The following RUBCNL variants were observed in gnomAD, a reference collection of about 807,000 sequenced individuals.
RUBCNL encodes protein associated with UVRAG as autophagy enhancer.
In RUBCNL, 62 loss-of-function variants were observed where a neutral mutation model predicts 69.5. The ratio of observed to expected loss-of-function variants is 0.89; its 90% CI spans 0.73 to 1.10. RUBCNL has a LOEUF of 1.10. RUBCNL is among the 50% of genes least tolerant of loss of function. RUBCNL has a pLI of 0.00. For missense variants in RUBCNL, 768 were observed against 798.1 expected, an observed-to-expected ratio of 0.96 and a Z score of 0.45; for synonymous variants, 291 against 303.6, an observed-to-expected ratio of 0.96 and a Z score of 0.43.
chr13:46,388,414 G>A (rs1395001055), upstream of RUBCNL, among the ~76,000 whole-genome samples: 3 of 149,082 alleles, frequency 2.0e-5, no homozygotes, highest in African/African-American at 5.0e-5. Flanking sequence ...AGCCAAGGAA[G>A]GAAGGAACCT....
chr13:46,361,220 G>A (rs549291821), intron 8 of RUBCNL, among the ~76,000 whole-genome samples: 3 of 152,044 alleles, frequency 2.0e-5, no homozygotes, highest in Admixed American at 6.5e-5. Context: ...GCAAGAATCC[G>A]TCTCAAAAAA....
rs751354791 is a variant in RUBCNL at position 46,372,197 on chromosome 13, C to T, written c.279G>A (p.Ser93=). Residue 93 remains serine (S), a synonymous_variant, in exon 3 of 15, where the codon TCG becomes TCA. Coordinates refer to ENST00000429979, the MANE Select transcript of RUBCNL (RefSeq NM_025113.5). ...DAASPSGPSP[S]CLGDSLAETT... ...TCTCTGCCAGGGAGTCCCCGAGGCA[C>T]GAAGGTGAAGGGCCTGAGGGAGAGG... 3.7e-6 allele frequency: 6 copies of T among 1,613,846 alleles called. No homozygotes were observed. Among genetic ancestry groups the T allele is most frequent in the Admixed American group, 1.7e-5 (1 of 60,006 alleles).
rs1227296673 is a variant in RUBCNL at position 46,350,036 on chromosome 13, C to G, written c.1569+77G>C. 3 of 1,122,580 alleles carry G rather than the reference C, an allele frequency of 2.7e-6. No individual in the cohort carries two copies. In the East Asian group the frequency reaches 7.8e-5, roughly 29 times the overall value. 69.5% of individuals were successfully genotyped at this position (1,122,580 alleles called of 1,614,324 possible). On this transcript the variant is annotated intron_variant, in intron 11 of 14. Transcript: ENST00000429979. Reference sequence around the variant, plus strand: ...CTCTTAGAGGATGTATCTGTGGGTTCCCCAAGCTAGTGTGATGTGCATTTC... The same window carrying G: ...CTCTTAGAGGATGTATCTGTGGGTTGCCCAAGCTAGTGTGATGTGCATTTC...
At chr13:46,354,996 G>A (rs1325572755) in intron 10 of RUBCNL, 7 of 332,634 alleles carry the variant, frequency 2.1e-5, no homozygotes, top group Non-Finnish European at 3.7e-5. Flanking sequence ...TAGATGTGCT[G>A]GGAAAATGAC....
intron 2 of RUBCNL, among the ~76,000 whole-genome samples, chr13:46,375,587 C>T (rs1429323353): frequency 6.6e-6 from 1 of 152,098 alleles, no homozygotes; most frequent in Non-Finnish European, 1.5e-5. Context: ...TATAACTGTT[C>T]TATTAATGGG....
At position 46,352,464 on chromosome 13, in the gene RUBCNL, G is replaced by A. The variant is rs77679791; in HGVS notation, c.1331-2113C>T. Among the ~76,000 whole-genome samples, 1,289 of 152,260 alleles carry A rather than the reference G, an allele frequency of 8.5e-3. 13 individuals carry two copies. Among genetic ancestry groups the A allele is most frequent in the African/African-American group, 0.029 (1,196 of 41,544 alleles). ...TGGGAAAGCAGCTGCTGTAGAACCC[G>A]TACACTGTAGATTCTGAAGATCATT... On this transcript the variant is annotated intron_variant, in intron 10 of 14. Coordinates refer to ENST00000429979, the MANE Select transcript of RUBCNL (RefSeq NM_025113.5).
chr13:46,356,362 C>A (rs978472438), intron 10 of RUBCNL, 70 bp downstream of exon 10: 1 of 1,454,804 alleles, frequency 6.9e-7, no homozygotes, highest in Non-Finnish European at 9.5e-7. Context: ...ACAAGCAATG[C>A]GCTGCCCTAC....
chr13:46,386,307 C>T (rs1042916538), intron 1 of RUBCNL, among the ~76,000 whole-genome samples: 1 of 152,152 alleles, frequency 6.6e-6, no homozygotes, highest in Non-Finnish European at 1.5e-5. Flanking sequence ...GTCTAAGAAA[C>T]TCAAGCTTAC....
At chr13:46,372,866 TA>T (rs561774851) in intron 2 of RUBCNL, among the ~76,000 whole-genome samples, 219 of 152,128 alleles carry the variant, frequency 1.4e-3, no homozygotes, top group African/African-American at 5.0e-3. Flanking sequence ...ATAAATCCCA[TA>T]AAAATGTAAA....
intron 2 of RUBCNL, among the ~76,000 whole-genome samples, chr13:46,374,167 C>A (rs1292644696): frequency 6.6e-6 from 1 of 152,230 alleles, no homozygotes; most frequent in Non-Finnish European, 1.5e-5. Context: ...CCAACCTCTG[C>A]CTCCCAGGTT....
rs186217606 is a variant in RUBCNL, at chr13:46,354,067, C to A, written c.1330+2365G>T. 2.9e-3 allele frequency among the ~76,000 whole-genome samples: 443 copies of A among 152,170 alleles called. 4 individuals carry two copies. The highest frequency in any genetic ancestry group is 5.2e-3 in the Non-Finnish European group (351 of 68,002). ...AATGATACCTTAAGAACAAAAAGGA[C>A]TAGGAAGTAGACAATATAGAGAATT... On this transcript the variant is annotated intron_variant, in intron 10 of 14. Coordinates refer to ENST00000429979, the MANE Select transcript of RUBCNL (RefSeq NM_025113.5).
rs111255284 is a variant in RUBCNL at position 46,380,014 on chromosome 13, T to C, written c.-238-2009A>G. Among the ~76,000 whole-genome samples the C allele has an allele frequency of 2.7e-3, 413 of 152,380 alleles. 1 individual carries two copies. The highest frequency in any genetic ancestry group is 4.2e-3 in the Admixed American group (65 of 15,308). On this transcript the variant is annotated intron_variant, in intron 1 of 14. Coordinates refer to ENST00000429979, the MANE Select transcript of RUBCNL (RefSeq NM_025113.5). ...CTGCAATTTTCTTATTTCATCTATA[T>C]ACTCTATACTATGTTGTAATAAAAG...
At chr13:46,378,675 T>C (rs1296684749) in intron 1 of RUBCNL, 4 of 152,140 alleles carry the variant, frequency 2.6e-5, no homozygotes, top group Non-Finnish European at 4.4e-5. Flanking sequence ...GCAGGAGGGA[T>C]AGATGCCTCA....
At chr13:46,350,509 G>A (rs557595220) in intron 10 of RUBCNL, 158 bp from the exon 11 acceptor site, 13 of 591,740 alleles carry the variant, frequency 2.2e-5, no homozygotes, top group African/African-American at 3.7e-5. Flanking sequence ...GAAGGCTCCA[G>A]CAGAGACTTG....
At chr13:46,375,680 T>C (rs543279187) in intron 2 of RUBCNL, among the ~76,000 whole-genome samples, 1 of 152,346 alleles carries the variant, frequency 6.6e-6, no homozygotes, top group South Asian at 2.1e-4. Flanking sequence ...AAAAGTTCAG[T>C]AGACCAAAAT....
At chr13:46,359,395 T>C in intron 9 of RUBCNL, 91 bp downstream of exon 9, 4 of 1,045,318 alleles carry the variant, frequency 3.8e-6, no homozygotes, top group Non-Finnish European at 3.9e-6. Flanking sequence ...TTAGCATATG[T>C]ATTTTTTTCA....
intron 1 of RUBCNL, among the ~76,000 whole-genome samples, chr13:46,379,514 G>C (rs2049073033): frequency 1.3e-5 from 2 of 152,150 alleles, no homozygotes; most frequent in Admixed American, 1.3e-4. Context: ...ACGATACCTA[G>C]ATATGGTTAT....
At chr13:46,383,325 T>TA (rs2049162157) in intron 1 of RUBCNL, among the ~76,000 whole-genome samples, 1 of 152,204 alleles carries the variant, frequency 6.6e-6, no homozygotes, top group Admixed American at 6.5e-5. Context: ...ATGAAGACCT[T>TA]ACCCATCACC....
At chr13:46,362,492 G>A in intron 7 of RUBCNL, 46 bp downstream of exon 7, 4 of 1,358,476 alleles carry the variant, frequency 2.9e-6, no homozygotes, top group Non-Finnish European at 4.1e-6. Flanking sequence ...TGCCTCAGAG[G>A]TGACAGCCCA....
Sources: allele counts gnomAD v4.1 joint callset (sites outside exome capture counted in the v4.1 genomes callset), GRCh38; gene constraint gnomAD v4.1.1; transcripts MANE v1.5; gene names NCBI Gene and HGNC (gene_info 2026-07-23, HGNC 2026-07-21).